The following NBAS variants were observed in gnomAD, a reference collection of about 807,000 sequenced individuals.
The protein encoded by NBAS is NAG/BC035112 fusion.
In NBAS, 219 loss-of-function variants were observed where a neutral mutation model predicts 302.5. The observed-to-expected ratio is 0.72, with a 90% CI of 0.65 to 0.81. NBAS has a LOEUF of 0.81. Among genes scored for constraint, NBAS ranks in the 30% least tolerant of loss-of-function variants. NBAS has a pLI of 0.00. For synonymous variants in NBAS, 1,118 were observed against 1,021.6 expected (o/e 1.09, Z -1.80); for missense variants, 2,932 against 2,841.6 (o/e 1.03, Z -0.72).
At chr2:15,336,482 C>G (rs1446787276) in intron 35 of NBAS, among the ~76,000 whole-genome samples, 1 of 152,034 alleles carries the variant, frequency 6.6e-6, no homozygotes, top group Admixed American at 6.6e-5. Flanking sequence ...GCCTGTAATC[C>G]CAGCACTTTG....
chr2:15,305,961 A>C (rs961291071), intron 40 of NBAS, among the ~76,000 whole-genome samples: 2 of 152,232 alleles, frequency 1.3e-5, no homozygotes, highest in African/African-American at 4.8e-5. Context: ...TGAGAACTCA[A>C]CTGACCTTTA....
At chr2:15,405,497 C>T (rs113169490) in intron 25 of NBAS, among the ~76,000 whole-genome samples, 5 of 152,170 alleles carry the variant, frequency 3.3e-5, no homozygotes, top group African/African-American at 1.2e-4. Flanking sequence ...CTGTCATTTG[C>T]CCTTTCTCAA....
the NBAS span, among the ~76,000 whole-genome samples, chr2:14,877,016 C>G: frequency 2.0e-5 from 3 of 152,302 alleles, no homozygotes; most frequent in Non-Finnish European, 4.4e-5. Context: ...TGACACTTGC[C>G]CCCTCTAACC....
intron 22 of NBAS, 148 bp downstream of exon 22, chr2:15,427,563 G>T: frequency 1.5e-6 from 1 of 679,224 alleles, no homozygotes; most frequent in Non-Finnish European, 2.6e-6. Context: ...ACATAACTGA[G>T]TCAAAGGAGT....
chr2:15,125,762 C>T, the NBAS span, among the ~76,000 whole-genome samples: 1 of 152,296 alleles, frequency 6.6e-6, no homozygotes, highest in South Asian at 2.1e-4. Context: ...CCTGTACCAC[C>T]ATTGTATCTT....
At chr2:15,404,384 C>T (rs1203790202) in intron 25 of NBAS, among the ~76,000 whole-genome samples, 1 of 152,044 alleles carries the variant, frequency 6.6e-6, no homozygotes, top group Non-Finnish European at 1.5e-5. Context: ...AACACTGAAA[C>T]CAATTTCAGT....
chr2:14,780,668 T>G, the NBAS span, among the ~76,000 whole-genome samples: 1 of 152,326 alleles, frequency 6.6e-6, no homozygotes, highest in Middle Eastern at 3.4e-3. Flanking sequence ...TCTGTTTTTG[T>G]CTCCCAGAGA....
At chr2:15,422,548 T>TA (rs547724335) in intron 23 of NBAS, among the ~76,000 whole-genome samples, 2,039 of 146,254 alleles carry the variant, frequency 0.014, 38 homozygotes, top group African/African-American at 0.04. Flanking sequence ...TAGTTGATTG[T>TA]AAAAAAAAAA....
At chr2:14,878,083 C>T in the NBAS span, among the ~76,000 whole-genome samples, 1 of 152,198 alleles carries the variant, frequency 6.6e-6, no homozygotes, top group South Asian at 2.1e-4. Context: ...TCAACTACAG[C>T]GTGCCAGGGC....
chr2:14,934,937 A>G, the NBAS span, among the ~76,000 whole-genome samples: 3 of 152,030 alleles, frequency 2.0e-5, no homozygotes, highest in Admixed American at 6.6e-5. Context: ...GATCACATGT[A>G]TTTTTCTCTC....
the NBAS span, among the ~76,000 whole-genome samples, chr2:15,108,390 T>C: frequency 6.6e-6 from 1 of 152,154 alleles, no homozygotes; most frequent in Non-Finnish European, 1.5e-5. Flanking sequence ...TAAGGATGGA[T>C]ATGGGATATA....
rs369698072 is a variant in NBAS at position 15,238,670 on chromosome 2, C to A, written c.5741G>T (p.Arg1914Leu). 1 of 1,592,464 alleles carries A rather than the reference C, an allele frequency of 6.3e-7. No homozygotes were observed. The highest frequency in any genetic ancestry group is 2.3e-5 in the East Asian group (1 of 44,060). ...KAVTKLSVEA[R>L]KEMTRKAIKT... ...AATAGCCTTTCTAGTCATCTCTTTA[C>A]GGGCTTCCACAGACAGCTTAAAAAA... is the stretch of plus-strand genomic sequence containing the variant. The change falls in exon 45 of 52, where the codon CGT (arginine) becomes CTT (leucine). Residue 1914 changes from arginine to leucine, a missense_variant. Transcript: ENST00000281513.
the NBAS span, among the ~76,000 whole-genome samples, chr2:15,100,307 C>A: frequency 6.6e-6 from 1 of 152,206 alleles, no homozygotes; most frequent in East Asian, 1.9e-4. Context: ...GAACCACAAC[C>A]ACTGGAACTT....
At chr2:14,823,611 T>G in the NBAS span, among the ~76,000 whole-genome samples, 1 of 152,184 alleles carries the variant, frequency 6.6e-6, no homozygotes, top group Non-Finnish European at 1.5e-5. Flanking sequence ...AGGTTTTACA[T>G]TTTTCGAAAT....
At chr2:14,887,562 G>C in the NBAS span, among the ~76,000 whole-genome samples, 1 of 152,020 alleles carries the variant, frequency 6.6e-6, no homozygotes, top group Non-Finnish European at 1.5e-5. Context: ...CACCCACTGG[G>C]GGACTGAGAA....
At chr2:14,878,569 C>T in the NBAS span, among the ~76,000 whole-genome samples, 1 of 152,194 alleles carries the variant, frequency 6.6e-6, no homozygotes, top group East Asian at 1.9e-4. Context: ...TACCTCCACT[C>T]AGAAGCTGGG....
intron 11 of NBAS, among the ~76,000 whole-genome samples, chr2:15,492,648 AC>A (rs1680908838): frequency 6.6e-6 from 1 of 152,058 alleles, no homozygotes; most frequent in Non-Finnish European, 1.5e-5. Flanking sequence ...GTAGAGGGTC[AC>A]GGGGGTTCAT....
chr2:15,364,263 T>C, intron 32 of NBAS, among the ~76,000 whole-genome samples: 1 of 152,242 alleles, frequency 6.6e-6, no homozygotes, highest in East Asian at 1.9e-4. Context: ...CCGGGCACAG[T>C]GGTCACGCCT....
At chr2:15,146,223 G>T in the NBAS span, among the ~76,000 whole-genome samples, 3 of 152,060 alleles carry the variant, frequency 2.0e-5, no homozygotes, top group Non-Finnish European at 2.9e-5. Context: ...GATGATAGTG[G>T]TCCCTATTTC....
Sources: allele counts gnomAD v4.1 joint callset (sites outside exome capture counted in the v4.1 genomes callset), GRCh38; gene constraint gnomAD v4.1.1; transcripts MANE v1.5; gene names NCBI Gene and HGNC (gene_info 2026-07-23, HGNC 2026-07-21).